Variants in PRORP observed in about 807,000 individuals in gnomAD.
PRORP encodes protein only RNase P catalytic subunit.
PRORP carries 51 observed loss-of-function variants against 59.4 expected under a neutral mutation model. The observed-to-expected ratio is 0.86, with a 90% CI of 0.69 to 1.08. The LOEUF is 1.08. Ranked by LOEUF, PRORP falls within the 50% of genes least tolerant of loss-of-function variation. The pLI is 0.00. For missense variants in PRORP, 646 were observed against 690.3 expected (o/e 0.94, Z 0.72); for synonymous variants, 231 against 245.6 (o/e 0.94, Z 0.55).
rs539570245 is a variant in PRORP at position 35,139,483 on chromosome 14, C to A, written c.1167+11872C>A. On this transcript the variant is annotated intron_variant, in intron 4 of 7. Transcript: ENST00000534898. ...CCCAGGCAACCACTATGGAATCATA[C>A]AATATATACTTTTTTTTTTGGTCTG... 6.2e-4 allele frequency among the ~76,000 whole-genome samples: 90 copies of A among 144,990 alleles called. 5 individuals carry two copies. The highest frequency in any genetic ancestry group is 2.1e-3 in the African/African-American group (86 of 41,010).
chr14:35,194,343 C>T (rs894661940), intron 5 of PRORP, among the ~76,000 whole-genome samples: 3 of 152,106 alleles, frequency 2.0e-5, no homozygotes, highest in African/African-American at 4.8e-5. Context: ...CCATGGAATA[C>T]TATACAGTCA....
intron 4 of PRORP, among the ~76,000 whole-genome samples, chr14:35,168,731 T>C (rs994466642): frequency 2.6e-5 from 4 of 152,206 alleles, no homozygotes; most frequent in Admixed American, 6.5e-5. Flanking sequence ...AATTATCTTA[T>C]AACCTTTTCA....
intron 6 of PRORP, among the ~76,000 whole-genome samples, chr14:35,267,899 T>A (rs1379649302): frequency 1.3e-5 from 2 of 151,978 alleles, no homozygotes; most frequent in Non-Finnish European, 2.9e-5. Context: ...GCTCTGAGAT[T>A]AGAGAGAAGG....
intron 6 of PRORP, 120 bp from the exon 7 acceptor site, chr14:35,270,281 T>C: frequency 1.2e-6 from 1 of 864,006 alleles, no homozygotes; most frequent in African/African-American, 1.7e-5. Context: ...ATTACTAGCA[T>C]CATGTTGGTC....
At chr14:35,181,637 T>C (rs1010838581) in intron 5 of PRORP, among the ~76,000 whole-genome samples, 1 of 150,970 alleles carries the variant, frequency 6.6e-6, no homozygotes, top group African/African-American at 2.4e-5. Context: ...ATACAAAAAT[T>C]AGTTGGGCAT....
chr14:35,176,054 T>C (rs2139017110), intron 4 of PRORP, among the ~76,000 whole-genome samples: 1 of 152,294 alleles, frequency 6.6e-6, no homozygotes, highest in African/African-American at 2.4e-5. Context: ...TAGTTGTAGA[T>C]AAGCGGCATT....
chr14:35,241,024 A>G (rs2050352353), intron 5 of PRORP, among the ~76,000 whole-genome samples: 1 of 152,194 alleles, frequency 6.6e-6, no homozygotes, highest in Non-Finnish European at 1.5e-5. Context: ...TATAACAACT[A>G]CTTACATAGC....
intron 5 of PRORP, among the ~76,000 whole-genome samples, chr14:35,220,799 C>T (rs1017932925): frequency 6.6e-6 from 1 of 152,096 alleles, no homozygotes; most frequent in Non-Finnish European, 1.5e-5. Flanking sequence ...ATGTGCCAGG[C>T]AGTCTAGTAG....
chr14:35,203,239 A>G (rs900676032), intron 5 of PRORP, among the ~76,000 whole-genome samples: 3 of 152,176 alleles, frequency 2.0e-5, no homozygotes, highest in African/African-American at 7.2e-5. Flanking sequence ...CCTGTTTTTC[A>G]CTAGTTCAGC....
chr14:35,154,467 G>A (rs927852339), intron 4 of PRORP, among the ~76,000 whole-genome samples: 2 of 152,114 alleles, frequency 1.3e-5, no homozygotes, highest in Admixed American at 1.3e-4. Context: ...TTGGCTCGTG[G>A]TTCTTCAAGA....
Position 35,227,498 on chromosome 14 carries a change from A to G in PRORP, c.1276-39229A>G, listed in dbSNP as rs76074865. ...CAACACATTGGCATAATGTCCCCTT[A>G]GAAGCATGGAAATCATCTGTGCTTT... On this transcript the variant is annotated intron_variant, in intron 5 of 7. Transcript: ENST00000534898. Among the ~76,000 whole-genome samples, 835 of 151,996 alleles carry G rather than the reference A, an allele frequency of 5.5e-3. 4 individuals are homozygous for G. The highest frequency in any genetic ancestry group is 0.01 in the Middle Eastern group (3 of 294).
intron 4 of PRORP, among the ~76,000 whole-genome samples, chr14:35,157,616 C>T (rs1169447832): frequency 6.6e-6 from 1 of 152,094 alleles, no homozygotes; most frequent in Non-Finnish European, 1.5e-5. Context: ...TCTCGAACTC[C>T]TGACCTCAAG....
At chr14:35,234,449 A>G (rs1274830430) in intron 5 of PRORP, among the ~76,000 whole-genome samples, 1 of 152,152 alleles carries the variant, frequency 6.6e-6, no homozygotes, top group African/African-American at 2.4e-5. Context: ...TTTTCTGTCC[A>G]TGTTCAGCCT....
intron 4 of PRORP, among the ~76,000 whole-genome samples, chr14:35,171,710 G>A (rs2048315736): frequency 6.6e-6 from 1 of 152,084 alleles, no homozygotes; most frequent in Non-Finnish European, 1.5e-5. Flanking sequence ...ATTTGGGGAT[G>A]TTTTGGCTAT....
intron 5 of PRORP, among the ~76,000 whole-genome samples, chr14:35,236,858 A>C (rs2050227805): frequency 6.6e-6 from 1 of 152,026 alleles, no homozygotes; most frequent in Admixed American, 6.5e-5. Flanking sequence ...GGTGGTACCA[A>C]ATGTTCACCA....
intron 4 of PRORP, among the ~76,000 whole-genome samples, chr14:35,178,159 C>A (rs939318561): frequency 6.6e-6 from 1 of 152,100 alleles, no homozygotes; most frequent in Admixed American, 6.6e-5. Context: ...TGCTTTACTT[C>A]CAACTATGTG....
At chr14:35,271,886 C>T (rs1566541823) in intron 7 of PRORP, among the ~76,000 whole-genome samples, 1 of 152,078 alleles carries the variant, frequency 6.6e-6, no homozygotes, top group Admixed American at 6.6e-5. Flanking sequence ...ATTAGCCAGG[C>T]GTGGTGGCGT....
intron 4 of PRORP, among the ~76,000 whole-genome samples, chr14:35,156,939 A>G (rs975645899): frequency 1.4e-5 from 2 of 142,232 alleles, no homozygotes; most frequent in Non-Finnish European, 3.0e-5. Context: ...ATGGTAGTTC[A>G]TTTTTTTCTT....
chr14:35,170,689 T>A (rs1452246082), intron 4 of PRORP, among the ~76,000 whole-genome samples: 2 of 152,178 alleles, frequency 1.3e-5, no homozygotes, highest in African/African-American at 4.8e-5. Flanking sequence ...TTTAAAGAAA[T>A]TGAAAGAATA....
Sources: allele counts gnomAD v4.1 joint callset (sites outside exome capture counted in the v4.1 genomes callset), GRCh38; gene constraint gnomAD v4.1.1; transcripts MANE v1.5; gene names NCBI Gene and HGNC (gene_info 2026-07-23, HGNC 2026-07-21).